CFAP92: variants seen among roughly 807,000 people sequenced by gnomAD.
The protein encoded by CFAP92 is uncharacterized protein CFAP92.
In CFAP92, 86 loss-of-function variants were observed where a neutral mutation model predicts 106.3. That is an observed-to-expected ratio of 0.81 (90% CI 0.68 to 0.97). The LOEUF is 0.97. CFAP92 is among the 50% of genes least tolerant of loss of function. The pLI is 0.00. For synonymous variants in CFAP92, 477 were observed against 506.4 expected (o/e 0.94, Z 0.78); for missense variants, 1,204 against 1,283.8 (o/e 0.94, Z 0.95).
chr3:128,938,648 C>T (rs1939311775), intron 10 of CFAP92, among the ~76,000 whole-genome samples: 1 of 151,972 alleles, frequency 6.6e-6, no homozygotes, highest in East Asian at 1.9e-4. Context: ...CGCCCACCAC[C>T]ACGCCCGGCT....
chr3:128,960,030 C>T (rs1941761053), intron 9 of CFAP92, among the ~76,000 whole-genome samples: 1 of 152,166 alleles, frequency 6.6e-6, no homozygotes, highest in Non-Finnish European at 1.5e-5. Flanking sequence ...TGTAATTCTC[C>T]CCACTCTTGA....
chr3:128,963,782 A>G (rs1301476326), intron 9 of CFAP92, among the ~76,000 whole-genome samples: 3 of 149,520 alleles, frequency 2.0e-5, no homozygotes, highest in African/African-American at 5.0e-5. Flanking sequence ...CATCCTGGAA[A>G]TCTATCCTCA....
At chr3:129,004,049 C>T (rs759442651), upstream of CFAP92, 2 of 1,510,660 alleles carry the variant, frequency 1.3e-6, no homozygotes, top group South Asian at 2.4e-5. Context: ...CTGGGTGCGG[C>T]GGCTGGAGGC....
chr3:128,991,900 C>G (rs1944240790), intron 2 of CFAP92: 2 of 985,958 alleles, frequency 2.0e-6, no homozygotes, highest in Non-Finnish European at 2.4e-6. Flanking sequence ...CTACTTGTCT[C>G]CTCCCCTCAT....
At chr3:129,003,739 C>G, upstream of CFAP92, 1 of 1,304,784 alleles carries the variant, frequency 7.7e-7, no homozygotes, top group South Asian at 1.8e-5. Context: ...GGGCGTTCGT[C>G]TGGTGCATCT....
At chr3:128,925,104 T>C (rs975152196) in intron 12 of CFAP92, among the ~76,000 whole-genome samples, 20 of 152,226 alleles carry the variant, frequency 1.3e-4, no homozygotes, top group African/African-American at 4.3e-4. Flanking sequence ...AGATTAGTGA[T>C]TTAGCAAAAT....
At chr3:129,001,609 G>A in intron 1 of CFAP92, 3 of 1,355,764 alleles carry the variant, frequency 2.2e-6, no homozygotes, top group Non-Finnish European at 2.8e-6. Flanking sequence ...GACCGGAGGA[G>A]CGAGGCGCGC....
chr3:128,959,102 CG>C (rs777689976), intron 9 of CFAP92, among the ~76,000 whole-genome samples: 21 of 151,834 alleles, frequency 1.4e-4, no homozygotes, highest in Non-Finnish European at 2.8e-4. Flanking sequence ...CCCAGCTACT[CG>C]GGAGGCTGAG....
the CFAP92 span, among the ~76,000 whole-genome samples, chr3:129,013,115 AGGGGTAG>A: frequency 6.6e-6 from 1 of 152,180 alleles, no homozygotes; most frequent in African/African-American, 2.4e-5. Flanking sequence ...GGCCTAAGTC[AGGGGTAG>A]TATACATGGT....
At chr3:128,939,626 AATACCCCCACC>A (rs1248787583) in intron 10 of CFAP92, among the ~76,000 whole-genome samples, 1 of 151,950 alleles carries the variant, frequency 6.6e-6, no homozygotes, top group East Asian at 1.9e-4. Flanking sequence ...CAACCCCCTG[AATACCCCCACC>A]CCTGATCCAC....
chr3:128,982,714 G>A (rs1470177771), intron 4 of CFAP92, among the ~76,000 whole-genome samples: 5 of 152,172 alleles, frequency 3.3e-5, no homozygotes, highest in Non-Finnish European at 7.3e-5. Flanking sequence ...ACACTTTAGA[G>A]GCCATTGTAA....
At position 128,932,805 on chromosome 3, in the gene CFAP92, C is replaced by G; in HGVS notation, c.2646G>C (p.Arg882=). The change falls in exon 12 of 16, where the codon CGG becomes CGC. Residue 882 remains arginine (R), a synonymous_variant. Transcript: ENST00000645291. ...GGATCTCTAAGGTGAGGGTGGAGTTCCGACTGTGGTAGTCCTCAAGATTGG... is the reference window on the plus strand; with the variant it reads ...GGATCTCTAAGGTGAGGGTGGAGTTGCGACTGTGGTAGTCCTCAAGATTGG... ...PAPNLEDYHS[R]NSTLTLEIHA... 1 of 1,536,194 alleles carries G rather than the reference C, an allele frequency of 6.5e-7. No homozygotes were observed. Among genetic ancestry groups the G allele is most frequent in the Non-Finnish European group, 8.7e-7 (1 of 1,146,926 alleles).
chr3:129,017,060 C>T, the CFAP92 span, among the ~76,000 whole-genome samples: 557 of 152,354 alleles, frequency 3.7e-3, 5 homozygotes, highest in African/African-American at 0.012. Flanking sequence ...AAGGACCCCT[C>T]ATGGTTGCAA....
upstream of CFAP92, chr3:129,003,905 C>G (rs1001543279): frequency 1.5e-6 from 2 of 1,348,776 alleles, no homozygotes. Flanking sequence ...GGCGGAGGCC[C>G]GCGCTGGGCG....
At chr3:128,993,453 C>CT in intron 1 of CFAP92, 117 bp from the exon 2 acceptor site, 1 of 1,064,812 alleles carries the variant, frequency 9.4e-7, no homozygotes, top group South Asian at 1.6e-5. Context: ...CCGCCTGCTC[C>CT]TAGATGAACG....
At chr3:128,943,931 T>G (rs789235) in intron 10 of CFAP92, among the ~76,000 whole-genome samples, 26,786 of 143,958 alleles carry the variant, frequency 0.19, 2,750 homozygotes, top group East Asian at 0.48. Flanking sequence ...TTTTTTTTTT[T>G]TTTTTTTTTT....
intron 12 of CFAP92, among the ~76,000 whole-genome samples, chr3:128,920,988 T>TA (rs1225211245): frequency 1.3e-5 from 2 of 152,238 alleles, no homozygotes; most frequent in Non-Finnish European, 2.9e-5. Flanking sequence ...ATGCACTTGA[T>TA]ACACTGCTTT....
At chr3:128,966,524 T>G (rs933500273) in intron 8 of CFAP92, 10 of 152,184 alleles carry the variant, frequency 6.6e-5, no homozygotes, top group African/African-American at 2.4e-4. Flanking sequence ...ATTGAGCCAT[T>G]GCAAGGCATA....
At chr3:128,926,701 T>C (rs1196804290) in intron 12 of CFAP92, among the ~76,000 whole-genome samples, 1 of 152,222 alleles carries the variant, frequency 6.6e-6, no homozygotes, top group Admixed American at 6.5e-5. Flanking sequence ...ACTGAAGCTC[T>C]AAACCCCAGC....
Sources: gnomAD v4.1 joint callset for allele counts (sites outside exome capture counted in the v4.1 genomes callset) on GRCh38, gnomAD v4.1.1 for gene constraint, MANE v1.5 for transcripts, NCBI Gene and HGNC (gene_info 2026-07-23, HGNC 2026-07-21) for gene names.